The following TMEM132C variants were observed in gnomAD, a reference collection of about 807,000 sequenced individuals.
TMEM132C encodes transmembrane protein 132C.
Under a neutral mutation model 61.4 loss-of-function variants are expected in TMEM132C, and 29 were observed. That is an observed-to-expected ratio of 0.47 (90% CI 0.35 to 0.64). The LOEUF (loss-of-function observed/expected upper bound fraction) is 0.64, where lower values mean the gene tolerates loss of function less well. Among genes scored for constraint, TMEM132C ranks in the 30% least tolerant of loss-of-function variants. The pLI is 0.00. For missense variants in TMEM132C, 1,408 were observed against 1,476.9 expected (o/e 0.95, Z 0.76); for synonymous variants, 656 against 633.1 (o/e 1.04, Z -0.54).
chr12:128,289,001 A>C (rs993508160), intron 1 of TMEM132C: 6 of 152,220 alleles, frequency 3.9e-5, no homozygotes, highest in Non-Finnish European at 7.3e-5. Flanking sequence ...TCACACGCTC[A>C]TGCTCATTAG....
intron 1 of TMEM132C, among the ~76,000 whole-genome samples, chr12:128,305,989 T>C (rs1320379438): frequency 6.6e-6 from 1 of 152,200 alleles, no homozygotes; most frequent in Non-Finnish European, 1.5e-5. Context: ...TTTAGGCTTT[T>C]AAAATCTCTG....
intron 2 of TMEM132C, among the ~76,000 whole-genome samples, chr12:128,433,848 G>A (rs1364699793): frequency 6.6e-6 from 1 of 152,218 alleles, no homozygotes; most frequent in African/African-American, 2.4e-5. Flanking sequence ...CTAGGCAAAA[G>A]GGCCATAGCC....
chr12:128,564,935 T>A (rs1018117879), intron 3 of TMEM132C, among the ~76,000 whole-genome samples: 1 of 152,182 alleles, frequency 6.6e-6, no homozygotes, highest in Non-Finnish European at 1.5e-5. Context: ...AGACTGGCAA[T>A]GTTTTTAACC....
At chr12:128,656,875 C>G (rs1954330434) in intron 4 of TMEM132C, among the ~76,000 whole-genome samples, 1 of 152,204 alleles carries the variant, frequency 6.6e-6, no homozygotes. Flanking sequence ...TCTTTTGCCA[C>G]AATATCTTGC....
chr12:128,693,079 T>G (rs1954731596), intron 5 of TMEM132C, among the ~76,000 whole-genome samples: 2 of 151,952 alleles, frequency 1.3e-5, no homozygotes, highest in South Asian at 4.2e-4. Context: ...TGAGCTGGGG[T>G]AGGTCAGGCA....
intron 1 of TMEM132C, among the ~76,000 whole-genome samples, chr12:128,313,721 T>A (rs138087753): frequency 1.4e-3 from 206 of 152,304 alleles, no homozygotes; most frequent in African/African-American, 4.8e-3. Context: ...ACTGGGATCC[T>A]GTTAGGAAGG....
At position 128,616,381 on chromosome 12, in the gene TMEM132C, C is replaced by T. The variant is rs56227335; in HGVS notation, c.1305+46C>T. 964 of 1,489,188 alleles carry T rather than the reference C, an allele frequency of 6.5e-4. 6 individuals are homozygous for T. In the African/African-American group the frequency reaches 0.012, roughly 19 times the overall value. 92.2% of individuals were successfully genotyped at this position (1,489,188 alleles called of 1,614,324 possible). ...GATGCTCCTGCATTCAGCCACCTGA[C>T]TGCATCCTGTGTCCTTCCTATCTGT... On this transcript the variant is annotated intron_variant, in intron 4 of 8. Transcript: ENST00000435159.
chr12:128,546,109 A>G (rs528529554), intron 3 of TMEM132C, among the ~76,000 whole-genome samples: 1 of 152,180 alleles, frequency 6.6e-6, no homozygotes, highest in South Asian at 2.1e-4. Context: ...ACAAACTCAA[A>G]TGCCAACCGT....
At chr12:128,568,647 G>T (rs1293847434) in intron 3 of TMEM132C, among the ~76,000 whole-genome samples, 1 of 152,136 alleles carries the variant, frequency 6.6e-6, no homozygotes, top group African/African-American at 2.4e-5. Flanking sequence ...GCAGAGTGGG[G>T]ATTTCAACTA....
intron 1 of TMEM132C, among the ~76,000 whole-genome samples, chr12:128,305,703 A>C (rs924893156): frequency 1.3e-5 from 2 of 152,152 alleles, no homozygotes; most frequent in Non-Finnish European, 2.9e-5. Flanking sequence ...AATCTGAAGA[A>C]CTGCCATTTG....
intron 3 of TMEM132C, among the ~76,000 whole-genome samples, chr12:128,575,450 G>A (rs772057799): frequency 6.6e-6 from 1 of 151,910 alleles, no homozygotes; most frequent in Non-Finnish European, 1.5e-5. Context: ...TTGCACTCCA[G>A]CCTGGGCGAC....
intron 1 of TMEM132C, among the ~76,000 whole-genome samples, chr12:128,280,628 T>C (rs1870861554): frequency 6.6e-6 from 1 of 152,224 alleles, no homozygotes; most frequent in African/African-American, 2.4e-5. Context: ...AGGCATCAGA[T>C]GTGACTTGAT....
chr12:128,643,554 C>T (rs1467717592), intron 4 of TMEM132C, among the ~76,000 whole-genome samples: 1 of 151,616 alleles, frequency 6.6e-6, no homozygotes, highest in Non-Finnish European at 1.5e-5. Flanking sequence ...ATTTGGGGCC[C>T]CAAAAATCTC....
intron 2 of TMEM132C, among the ~76,000 whole-genome samples, chr12:128,460,998 G>A (rs1301677129): frequency 6.6e-6 from 1 of 152,162 alleles, no homozygotes; most frequent in Non-Finnish European, 1.5e-5. Context: ...TCAAAAGCCT[G>A]GGACTTCTTT....
At chr12:128,539,817 C>T (rs532934156) in intron 2 of TMEM132C, among the ~76,000 whole-genome samples, 45 of 152,238 alleles carry the variant, frequency 3.0e-4, no homozygotes, top group African/African-American at 2.9e-4. Context: ...CTTCTACATA[C>T]GCCATCTTCC....
rs935954071 is a variant in TMEM132C at position 128,707,094 on chromosome 12, A to G, written c.*799A>G. The G allele has an allele frequency of 1.3e-5, 2 of 149,538 alleles. No homozygotes were observed. Among genetic ancestry groups the G allele is most frequent in the African/African-American group, 4.9e-5 (2 of 40,404 alleles). The allele number at this position is 149,538 out of a possible 1,614,324, so 9.3% of individuals were successfully genotyped here. On this transcript the variant is annotated 3_prime_UTR_variant, in exon 9 of 9. Coordinates refer to ENST00000435159, the MANE Select transcript of TMEM132C (RefSeq NM_001136103.3). ...CTTTGTTGATAGTGGCGGGTTTTGT[A>G]CAATTGGAGGGAGCCCTCAGAGCCT...
At chr12:128,346,848 A>G (rs1388672295) in intron 1 of TMEM132C, among the ~76,000 whole-genome samples, 2 of 152,146 alleles carry the variant, frequency 1.3e-5, no homozygotes, top group Admixed American at 1.3e-4. Flanking sequence ...ACTGATCTGT[A>G]TGTCTATCCC....
rs1954761531 is a variant in TMEM132C at position 128,696,121 on chromosome 12, T to C, written c.1929+18T>C. 21 of 1,548,334 alleles carry C rather than the reference T, an allele frequency of 1.4e-5. No individual in the cohort carries two copies. Among genetic ancestry groups the C allele is most frequent in the Non-Finnish European group, 1.8e-5 (21 of 1,145,420 alleles). ...CCATCCAGGTAGGAAGCTGGGAGTC[T>C]CTGTGTCCCCAGCACTGGGCATGTG... On this transcript the variant is annotated intron_variant, in intron 7 of 8. Transcript: ENST00000435159.
chr12:128,686,288 T>C (rs1254387360), intron 5 of TMEM132C, among the ~76,000 whole-genome samples: 1 of 152,198 alleles, frequency 6.6e-6, no homozygotes, highest in East Asian at 1.9e-4. Flanking sequence ...GTGGTTACCT[T>C]GGCAACATTC....
Sources: allele counts gnomAD v4.1 joint callset (sites outside exome capture counted in the v4.1 genomes callset), GRCh38; gene constraint gnomAD v4.1.1; transcripts MANE v1.5; gene names NCBI Gene and HGNC (gene_info 2026-07-23, HGNC 2026-07-21).